FAF1: variants seen among roughly 807,000 people sequenced by gnomAD.
FAF1 encodes FAS-associated factor 1.
Under a neutral mutation model 92.5 loss-of-function variants are expected in FAF1, and 25 were observed. The ratio of observed to expected loss-of-function variants is 0.27; its 90% CI spans 0.20 to 0.38. The LOEUF is 0.38. Ranked by LOEUF, FAF1 falls within the 10% of genes least tolerant of loss-of-function variation. FAF1 has a pLI of 1.00. For missense variants in FAF1, 636 were observed against 793.3 expected, an observed-to-expected ratio of 0.80 and a Z score of 2.38; for synonymous variants, 234 against 273.2, an observed-to-expected ratio of 0.86 and a Z score of 1.42.
chr1:50,900,308 A>C (rs1312239884), intron 1 of FAF1, among the ~76,000 whole-genome samples: 1 of 152,230 alleles, frequency 6.6e-6, no homozygotes, highest in Non-Finnish European at 1.5e-5. Flanking sequence ...ATCTTAGAAA[A>C]TACTGTTTTT....
intron 1 of FAF1, among the ~76,000 whole-genome samples, chr1:50,957,981 A>G (rs762498620): frequency 8.5e-5 from 13 of 152,192 alleles, no homozygotes; most frequent in Non-Finnish European, 4.4e-5. Flanking sequence ...AACAAAAACA[A>G]AACAAAAAGA....
chr1:50,585,632 A>G (rs1651189868), intron 9 of FAF1, among the ~76,000 whole-genome samples: 1 of 152,148 alleles, frequency 6.6e-6, no homozygotes, highest in South Asian at 2.1e-4. Flanking sequence ...TCCAAGCAAG[A>G]TATCTGGCTA....
At chr1:50,487,517 T>A (rs1646782115) in intron 17 of FAF1, among the ~76,000 whole-genome samples, 1 of 152,208 alleles carries the variant, frequency 6.6e-6, no homozygotes, top group Admixed American at 6.5e-5. Flanking sequence ...AATAAGTACA[T>A]ATATAAATTA....
At chr1:50,621,391 C>CTTTTTTTTTTTTTTTT (rs36053834) in intron 8 of FAF1, among the ~76,000 whole-genome samples, 3 of 89,216 alleles carry the variant, frequency 3.4e-5, no homozygotes, top group African/African-American at 1.4e-4. Flanking sequence ...TTCTTTTTTT[C>CTTTTTTTTTTTTTTTT]TTTTTTTTTT....
At chr1:50,883,834 G>A (rs1003454008) in intron 1 of FAF1, among the ~76,000 whole-genome samples, 1 of 152,104 alleles carries the variant, frequency 6.6e-6, no homozygotes, top group African/African-American at 2.4e-5. Context: ...TTGAGTATAC[G>A]GGAAATTAGG....
chr1:50,679,159 A>C (rs1656310558), intron 7 of FAF1, among the ~76,000 whole-genome samples: 1 of 152,214 alleles, frequency 6.6e-6, no homozygotes. Context: ...CACACAGTAC[A>C]TTGTTTTGTA....
chr1:50,959,847 C>A lies in FAF1; in HGVS notation c.-36G>T. On this transcript the variant is annotated 5_prime_UTR_variant, in exon 1 of 19. Coordinates refer to ENST00000396153, the MANE Select transcript of FAF1 (RefSeq NM_007051.3). ...GAGTTCCGCGGCTCCGGGAGCGAAG[C>A]GCGCACCTGGGAGGCAGACGGCACC... The A allele has an allele frequency of 6.6e-7, 1 of 1,519,962 alleles. No homozygotes were observed. The highest frequency in any genetic ancestry group is 8.9e-7 in the Non-Finnish European group (1 of 1,125,978). The allele number at this position is 1,519,962 out of a possible 1,614,324, so 94.2% of individuals were successfully genotyped here.
chr1:50,460,514 T>C (rs1354299691), intron 18 of FAF1, among the ~76,000 whole-genome samples: 1 of 152,158 alleles, frequency 6.6e-6, no homozygotes, highest in Non-Finnish European at 1.5e-5. Context: ...TTAGGACTAT[T>C]AGCTATGAAT....
intron 14 of FAF1, among the ~76,000 whole-genome samples, chr1:50,538,477 C>T (rs746227677): frequency 1.2e-4 from 18 of 149,054 alleles, no homozygotes; most frequent in Non-Finnish European, 1.8e-4. Context: ...GGCTTTGATT[C>T]GTGCTAAGGT....
At chr1:50,672,552 G>A (rs1392752941) in intron 7 of FAF1, among the ~76,000 whole-genome samples, 1 of 152,088 alleles carries the variant, frequency 6.6e-6, no homozygotes, top group Non-Finnish European at 1.5e-5. Flanking sequence ...CAAAGTGCTG[G>A]GATTATAGGC....
chr1:50,472,913 C>T (rs1042827685), intron 18 of FAF1, among the ~76,000 whole-genome samples: 20 of 152,076 alleles, frequency 1.3e-4, no homozygotes, highest in African/African-American at 4.6e-4. Flanking sequence ...AATGAAGGGC[C>T]TTTAACTCTC....
chr1:50,815,298 T>G (rs1643956394), intron 2 of FAF1, among the ~76,000 whole-genome samples: 1 of 152,158 alleles, frequency 6.6e-6, no homozygotes, highest in African/African-American at 2.4e-5. Context: ...GTACCCAGTG[T>G]TTAGCTCCTG....
chr1:50,787,547 CCTTAAT>C (rs1661406389), intron 4 of FAF1, among the ~76,000 whole-genome samples: 1 of 152,136 alleles, frequency 6.6e-6, no homozygotes, highest in African/African-American at 2.4e-5. Context: ...ACCTTCTAAG[CCTTAAT>C]CTTAGACTTC....
At chr1:50,812,812 G>C (rs1643929673) in intron 2 of FAF1, among the ~76,000 whole-genome samples, 1 of 152,098 alleles carries the variant, frequency 6.6e-6, no homozygotes, top group Admixed American at 6.5e-5. Flanking sequence ...CAAAGACATG[G>C]AATCAACCTA....
intron 17 of FAF1, among the ~76,000 whole-genome samples, chr1:50,488,766 A>T (rs1646796289): frequency 6.6e-6 from 1 of 152,226 alleles, no homozygotes; most frequent in Non-Finnish European, 1.5e-5. Flanking sequence ...TTTTTCACTT[A>T]TAAAGATAAA....
intron 1 of FAF1, among the ~76,000 whole-genome samples, chr1:50,891,333 T>G (rs1644718252): frequency 1.3e-5 from 2 of 152,190 alleles, no homozygotes; most frequent in South Asian, 4.1e-4. Context: ...AGAAGTTTGG[T>G]CTTCTGAAGC....
Position 50,582,604 on chromosome 1 carries a change from C to A in FAF1, c.1113+14G>T. ...GATGCACTTTTTAATCAGAAAAGGT[C>A]AAACTGTACTTACATCTCGGGCTTT... On this transcript the variant is annotated intron_variant, in intron 12 of 18. Transcript: ENST00000396153. 1 of 1,577,334 alleles carries A rather than the reference C, an allele frequency of 6.3e-7. No individual in the cohort carries two copies. Among genetic ancestry groups the A allele is most frequent in the South Asian group, 1.1e-5 (1 of 90,218 alleles).
intron 15 of FAF1, among the ~76,000 whole-genome samples, chr1:50,500,356 T>C (rs567518867): frequency 6.6e-6 from 1 of 152,302 alleles, no homozygotes; most frequent in South Asian, 2.1e-4. Context: ...TATAGACCTA[T>C]GCATATATGA....
At position 50,779,987 on chromosome 1, in the gene FAF1, G is replaced by GACAC. The variant is rs1297272722; in HGVS notation, c.367+8012_367+8013insGTGT. On this transcript the variant is annotated intron_variant, in intron 4 of 18. Transcript: ENST00000396153. ...CACTACAAGCACACATGCACAGACA[G>GACAC]ACAGACACACACACACACACACACA... is the stretch of plus-strand genomic sequence containing the variant. Among the ~76,000 whole-genome samples, 883 of 112,858 alleles carry GACAC rather than the reference G, an allele frequency of 7.8e-3. 10 individuals are homozygous for GACAC. Among genetic ancestry groups the GACAC allele is most frequent in the African/African-American group, 0.03 (836 of 28,122 alleles). The allele number at this position is 112,858 out of a possible 152,430, so 74.0% of individuals were successfully genotyped here. A position where few individuals can be genotyped will look rare whatever the true frequency, so the allele number is the denominator to read the frequency against.
Sources: allele counts gnomAD v4.1 joint callset (sites outside exome capture counted in the v4.1 genomes callset), GRCh38; gene constraint gnomAD v4.1.1; transcripts MANE v1.5; gene names NCBI Gene and HGNC (gene_info 2026-07-23, HGNC 2026-07-21).